CAMTA1: variants seen among roughly 807,000 people sequenced by gnomAD.
CAMTA1 encodes the protein calmodulin binding transcription activator 1, also known as calmodulin-binding transcription activator 1.
CAMTA1 carries 27 observed loss-of-function variants against 170.9 expected under a neutral mutation model. That is an observed-to-expected ratio of 0.16 (90% CI 0.12 to 0.22). The LOEUF (loss-of-function observed/expected upper bound fraction) is 0.22, where lower values mean the gene tolerates loss of function less well. Ranked by LOEUF, CAMTA1 falls within the 10% of genes least tolerant of loss-of-function variation. CAMTA1 has a pLI of 1.00. For missense variants in CAMTA1, 1,619 were observed against 2,217.2 expected (o/e 0.73, Z 5.42); for synonymous variants, 833 against 891.5 (o/e 0.93, Z 1.17).
chr1:6,968,950 C>T (rs1223112389), intron 3 of CAMTA1, among the ~76,000 whole-genome samples: 9 of 151,876 alleles, frequency 5.9e-5, no homozygotes, highest in Admixed American at 5.9e-4. Context: ...AGGCACGGGG[C>T]GAGGGGGTGT....
intron 6 of CAMTA1, among the ~76,000 whole-genome samples, chr1:7,607,797 T>C (rs551258576): frequency 1.6e-4 from 25 of 152,206 alleles, no homozygotes; most frequent in Non-Finnish European, 2.8e-4. Flanking sequence ...TCGTATCTTC[T>C]GTGGATCCAG....
intron 6 of CAMTA1, among the ~76,000 whole-genome samples, chr1:7,511,546 A>G (rs894032503): frequency 2.6e-5 from 4 of 152,088 alleles, no homozygotes; most frequent in African/African-American, 4.8e-5. Context: ...TCTCCATCAC[A>G]TGGAACATCT....
chr1:7,336,815 C>T (rs922790170), intron 5 of CAMTA1, among the ~76,000 whole-genome samples: 5 of 152,196 alleles, frequency 3.3e-5, no homozygotes, highest in African/African-American at 9.6e-5. Context: ...TCACAGAGCT[C>T]TCTCGGGGCC....
chr1:6,892,095 T>C (rs142502362), intron 3 of CAMTA1, among the ~76,000 whole-genome samples: 11 of 152,362 alleles, frequency 7.2e-5, no homozygotes, highest in African/African-American at 2.6e-4. Flanking sequence ...ATGGCTAACC[T>C]CTACTTCAGC....
chr1:6,850,450 G>T (rs1302396008), intron 3 of CAMTA1, among the ~76,000 whole-genome samples: 6 of 152,166 alleles, frequency 3.9e-5, no homozygotes, highest in Non-Finnish European at 7.4e-5. Context: ...TTGATAAAAT[G>T]ACAGGAATTA....
chr1:6,809,381 G>A (rs564313952), intron 1 of CAMTA1, among the ~76,000 whole-genome samples: 19 of 152,256 alleles, frequency 1.2e-4, no homozygotes, highest in Middle Eastern at 3.4e-3. Context: ...TATATACAGC[G>A]TGACATTGGA....
intron 11 of CAMTA1, among the ~76,000 whole-genome samples, chr1:7,683,814 GTC>G (rs2096234686): frequency 6.6e-6 from 1 of 152,236 alleles, no homozygotes; most frequent in Admixed American, 6.5e-5. Context: ...TGCGGTGGGT[GTC>G]TGTCAGCTTG....
At chr1:7,758,505 ATCT>A (rs761375903) in intron 22 of CAMTA1, among the ~76,000 whole-genome samples, 26 of 152,130 alleles carry the variant, frequency 1.7e-4, no homozygotes, top group Non-Finnish European at 3.4e-4. Context: ...TGCCAATAAG[ATCT>A]TCTCTCCCTC....
At chr1:6,864,844 C>T (rs994163528) in intron 3 of CAMTA1, among the ~76,000 whole-genome samples, 1 of 152,192 alleles carries the variant, frequency 6.6e-6, no homozygotes, top group Admixed American at 6.5e-5. Context: ...AATTGTTCCT[C>T]AGTGCTGGGG....
chr1:7,756,508 T>C (rs1558312843), intron 22 of CAMTA1, among the ~76,000 whole-genome samples: 1 of 152,158 alleles, frequency 6.6e-6, no homozygotes, highest in Non-Finnish European at 1.5e-5. Flanking sequence ...AACTATAATG[T>C]GTTTGAATTA....
At chr1:6,854,565 C>T (rs1661578266) in intron 3 of CAMTA1, among the ~76,000 whole-genome samples, 2 of 152,134 alleles carry the variant, frequency 1.3e-5, no homozygotes, top group Admixed American at 6.5e-5. Flanking sequence ...TGAAATACAA[C>T]ACTGCACCCA....
At chr1:7,117,532 G>A (rs999359226) in intron 4 of CAMTA1, among the ~76,000 whole-genome samples, 1 of 152,094 alleles carries the variant, frequency 6.6e-6, no homozygotes, top group Non-Finnish European at 1.5e-5. Flanking sequence ...AACCACTCCT[G>A]CCATGGATGA....
intron 3 of CAMTA1, among the ~76,000 whole-genome samples, chr1:6,908,130 G>A (rs565134629): frequency 2.0e-5 from 3 of 152,226 alleles, no homozygotes; most frequent in South Asian, 2.1e-4. Context: ...TTCTTTGCTC[G>A]TCACCCTTTA....
rs1352055631 is a variant in CAMTA1, at chr1:6,835,813, C to T, written c.234+10603C>T. Among the ~76,000 whole-genome samples, 3 of 152,150 alleles carry T rather than the reference C, an allele frequency of 2.0e-5. No homozygotes were observed. The East Asian group carries it at 5.8e-4, about 29-fold the overall frequency. On this transcript the variant is annotated intron_variant, in intron 3 of 22. Coordinates refer to ENST00000303635, the MANE Select transcript of CAMTA1 (RefSeq NM_015215.4). The stretch of plus-strand genomic sequence containing the variant: ...GTAGGCACCTAAAAGTTGTAGAATG[C>T]ATAGGTTTTATTTTTGGCATTTATC...
rs754109237 is a variant in CAMTA1 at position 7,585,525 on chromosome 1, G to C, written c.511-54875G>C. ...CTACAGAGGTGACCAGGACCAGATG[G>C]GTCCAGCCCATGGGCATTGTAAGGA... On this transcript the variant is annotated intron_variant, in intron 6 of 22. Coordinates refer to ENST00000303635, the MANE Select transcript of CAMTA1 (RefSeq NM_015215.4). This position sits in a 1 kb window ranked among gnomAD's most constrained non-coding sequence, Gnocchi z 4.8. Among the ~76,000 whole-genome samples, 14 of 152,190 alleles carry C rather than the reference G, an allele frequency of 9.2e-5. No homozygotes were observed. Among genetic ancestry groups the C allele is most frequent in the Non-Finnish European group, 1.5e-4 (10 of 68,040 alleles).
At chr1:7,421,342 C>T (rs932011037) in intron 5 of CAMTA1, among the ~76,000 whole-genome samples, 16 of 152,002 alleles carry the variant, frequency 1.1e-4, no homozygotes, top group African/African-American at 3.1e-4. Flanking sequence ...TTAGTAGAGA[C>T]GGGGTCTTGC....
chr1:7,696,171 T>A (rs1265138792), intron 11 of CAMTA1, among the ~76,000 whole-genome samples: 1 of 116,918 alleles, frequency 8.6e-6, no homozygotes, highest in Non-Finnish European at 1.8e-5. Flanking sequence ...TTTAATTAGA[T>A]CTCTAAGTTT....
intron 5 of CAMTA1, among the ~76,000 whole-genome samples, chr1:7,458,612 G>A (rs189087754): frequency 2.6e-3 from 391 of 152,346 alleles, no homozygotes; most frequent in African/African-American, 8.9e-3. Context: ...TTAAGGGGCT[G>A]TTTTCAGGAG....
chr1:6,908,553 T>A (rs1170798490), intron 3 of CAMTA1, among the ~76,000 whole-genome samples: 1 of 152,260 alleles, frequency 6.6e-6, no homozygotes, highest in Non-Finnish European at 1.5e-5. Context: ...CTTAGGAAAG[T>A]GGCTCTGTCA....
Sources: gnomAD v4.1 joint callset for allele counts (sites outside exome capture counted in the v4.1 genomes callset) on GRCh38, gnomAD v4.1.1 for gene constraint, Gnocchi (gnomAD v3.1) non-coding constraint, MANE v1.5 for transcripts, NCBI Gene and HGNC (gene_info 2026-07-23, HGNC 2026-07-21) for gene names.